The following BTBD9 variants were observed in gnomAD, a reference collection of about 807,000 sequenced individuals.
BTBD9 encodes BTB/POZ domain-containing protein 9.
Under a neutral mutation model 64.3 loss-of-function variants are expected in BTBD9, and 49 were observed. The ratio of observed to expected loss-of-function variants is 0.76; its 90% CI spans 0.61 to 0.97. The LOEUF (loss-of-function observed/expected upper bound fraction) is 0.97, where lower values mean the gene tolerates loss of function less well. BTBD9 is among the 50% of genes least tolerant of loss of function. The probability of loss-of-function intolerance (pLI) is 0.00; values close to 1 mark genes in which losing one functional copy is unlikely to be tolerated. For synonymous variants in BTBD9, 260 were observed against 274.7 expected (o/e 0.95, Z 0.53); for missense variants, 598 against 762.1 (o/e 0.78, Z 2.53).
chr6:38,396,294 A>G (rs1766669159), intron 6 of BTBD9, among the ~76,000 whole-genome samples: 1 of 152,200 alleles, frequency 6.6e-6, no homozygotes, highest in African/African-American at 2.4e-5. Flanking sequence ...AACCAAAACT[A>G]AAAAGCTTAG....
At chr6:38,501,109 G>T (rs1471014075) in intron 6 of BTBD9, among the ~76,000 whole-genome samples, 4 of 152,224 alleles carry the variant, frequency 2.6e-5, no homozygotes, top group Non-Finnish European at 5.9e-5. Context: ...GATGCTGTAA[G>T]TTAAAAAGTT....
At chr6:38,496,767 T>A (rs1002076597) in intron 6 of BTBD9, among the ~76,000 whole-genome samples, 1 of 152,092 alleles carries the variant, frequency 6.6e-6, no homozygotes, top group Non-Finnish European at 1.5e-5. Flanking sequence ...TTTTGGCTAA[T>A]GGTCATTCCA....
intron 4 of BTBD9, among the ~76,000 whole-genome samples, chr6:38,586,970 GGA>G (rs1249645443): frequency 3.3e-5 from 5 of 151,910 alleles, no homozygotes; most frequent in African/African-American, 1.2e-4. Context: ...GGCTGGGGCA[GGA>G]GAATCACTTG....
intron 6 of BTBD9, among the ~76,000 whole-genome samples, chr6:38,419,109 A>G (rs1054326186): frequency 6.6e-6 from 1 of 152,242 alleles, no homozygotes; most frequent in African/African-American, 2.4e-5. Context: ...ATTTAAGGAA[A>G]ATAAACAGAT....
At chr6:38,269,692 A>C (rs1244759571) in intron 8 of BTBD9, among the ~76,000 whole-genome samples, 1 of 152,166 alleles carries the variant, frequency 6.6e-6, no homozygotes, top group Non-Finnish European at 1.5e-5. Context: ...CTGCTGCAGA[A>C]GATGTGAGGA....
At chr6:38,568,112 A>C (rs1775603795) in intron 6 of BTBD9, among the ~76,000 whole-genome samples, 1 of 152,252 alleles carries the variant, frequency 6.6e-6, no homozygotes, top group African/African-American at 2.4e-5. Context: ...AGCTATAAAT[A>C]CTATGAAAGG....
At chr6:38,427,093 G>C (rs1044561212) in intron 6 of BTBD9, among the ~76,000 whole-genome samples, 1 of 151,286 alleles carries the variant, frequency 6.6e-6, no homozygotes, top group Non-Finnish European at 1.5e-5. Flanking sequence ...CATTCTCCTG[G>C]ACAAATAACC....
chr6:38,453,203 T>C (rs1354443899), intron 6 of BTBD9, among the ~76,000 whole-genome samples: 4 of 152,178 alleles, frequency 2.6e-5, no homozygotes, highest in Non-Finnish European at 5.9e-5. Context: ...TAATAGAGTT[T>C]AGTATTAGAA....
chr6:38,470,426 T>C (rs759166564), intron 6 of BTBD9, among the ~76,000 whole-genome samples: 4 of 152,100 alleles, frequency 2.6e-5, no homozygotes, highest in Non-Finnish European at 4.4e-5. Context: ...AATGGAAGCA[T>C]AGGTTGAAGA....
At chr6:38,423,309 T>A (rs191107151) in intron 6 of BTBD9, among the ~76,000 whole-genome samples, 136 of 152,106 alleles carry the variant, frequency 8.9e-4, no homozygotes, top group East Asian at 1.4e-3. Flanking sequence ...TATTATTATT[T>A]TTTTAAATAG....
Position 38,374,692 on chromosome 6 carries a change from C to G in BTBD9, c.1155-29599G>C, listed in dbSNP as rs114489767. 6.3e-3 allele frequency among the ~76,000 whole-genome samples: 954 copies of G among 152,242 alleles called. 11 individuals are homozygous for G. The highest frequency in any genetic ancestry group is 0.019 in the African/African-American group (796 of 41,552). On this transcript the variant is annotated intron_variant, in intron 6 of 10. Transcript: ENST00000481247. Reference sequence around the variant, plus strand: ...CCACCTCCCCCAGCTCTTGCACACACACAACAGACACCTTCAGAGACAACT... The same window carrying G: ...CCACCTCCCCCAGCTCTTGCACACAGACAACAGACACCTTCAGAGACAACT...
rs1225378251 is a variant in BTBD9, at chr6:38,171,715, C to G, written c.*3270G>C. The G allele has an allele frequency of 6.6e-6, 1 of 150,844 alleles. No homozygotes were observed. Among genetic ancestry groups the G allele is most frequent in the Non-Finnish European group, 1.5e-5 (1 of 67,806 alleles). 9.3% of individuals were successfully genotyped at this position (150,844 alleles called of 1,614,324 possible). On this transcript the variant is annotated 3_prime_UTR_variant, in exon 11 of 11. Coordinates refer to ENST00000481247, the MANE Select transcript of BTBD9 (RefSeq NM_001099272.2). ...CTGGGTGCTGGCTGCATGGACACAG[C>G]TGCTGCCCAGCACACACCCTACCTG...
At chr6:38,561,448 A>T (rs892773113) in intron 6 of BTBD9, among the ~76,000 whole-genome samples, 7 of 152,208 alleles carry the variant, frequency 4.6e-5, no homozygotes, top group Non-Finnish European at 8.8e-5. Context: ...TATTTGTTAT[A>T]GACCCAAAGG....
chr6:38,374,283 G>GTATATATATATATACACATATA (rs57568036), intron 6 of BTBD9, among the ~76,000 whole-genome samples: 4 of 45,474 alleles, frequency 8.8e-5, no homozygotes, highest in African/African-American at 6.4e-4. Context: ...AAAAAAAAAA[G>GTATATATATATATACACATATA]TATATATATA....
intron 7 of BTBD9, among the ~76,000 whole-genome samples, chr6:38,328,942 G>A (rs1288623320): frequency 2.5e-5 from 3 of 118,546 alleles, no homozygotes; most frequent in Admixed American, 1.8e-4. Flanking sequence ...GCAAGACTTC[G>A]TCTCAAAAAA....
At chr6:38,362,537 T>C (rs747622021) in intron 6 of BTBD9, among the ~76,000 whole-genome samples, 7 of 152,248 alleles carry the variant, frequency 4.6e-5, no homozygotes, top group African/African-American at 9.6e-5. Flanking sequence ...AAATTATTTC[T>C]TAGAAGAATA....
In BTBD9 at chr6:38,505,191, C is replaced by T. The variant is rs764177419; in HGVS notation, c.1154+72409G>A. ...CAGGGCTTAGTCCTGTATCCTCTTC[C>T]CAGGTGATCTCATTCATTTTCATGG... On this transcript the variant is annotated intron_variant, in intron 6 of 10. Transcript: ENST00000481247. Among the ~76,000 whole-genome samples the T allele has an allele frequency of 1.2e-4, 18 of 152,172 alleles. 1 individual carries two copies. Among genetic ancestry groups the T allele is most frequent in the Non-Finnish European group, 1.2e-4 (8 of 68,028 alleles).
chr6:38,307,339 T>C (rs1330453961), intron 7 of BTBD9, among the ~76,000 whole-genome samples: 2 of 152,262 alleles, frequency 1.3e-5, no homozygotes, highest in Non-Finnish European at 2.9e-5. Context: ...CACTTAGTTA[T>C]ATTAATGCCT....
At chr6:38,595,733 A>G in intron 2 of BTBD9, 1 of 982,834 alleles carries the variant, frequency 1.0e-6, no homozygotes, top group Non-Finnish European at 1.2e-6. Context: ...AATAGTTGAA[A>G]CCACCCAGAA....
Sources: gnomAD v4.1 joint callset for allele counts (sites outside exome capture counted in the v4.1 genomes callset) on GRCh38, gnomAD v4.1.1 for gene constraint, MANE v1.5 for transcripts, NCBI Gene and HGNC (gene_info 2026-07-23, HGNC 2026-07-21) for gene names.